The following HECTD4 variants were observed in gnomAD, a reference collection of about 807,000 sequenced individuals.
HECTD4 encodes the protein probable E3 ubiquitin-protein ligase HECTD4.
HECTD4 carries 114 observed loss-of-function variants against 471.5 expected under a neutral mutation model. The observed-to-expected ratio is 0.24, with a 90% CI of 0.21 to 0.28. The LOEUF is 0.28. Ranked by LOEUF, HECTD4 falls within the 10% of genes least tolerant of loss-of-function variation. The pLI, the probability that HECTD4 is intolerant of heterozygous loss-of-function variation, is 1.00. For missense variants in HECTD4, 3,866 were observed against 5,651.5 expected, an observed-to-expected ratio of 0.68 and a Z score of 10.13; for synonymous variants, 2,012 against 2,256.0, an observed-to-expected ratio of 0.89 and a Z score of 3.07.
rs1359760952 is a variant in HECTD4 at position 112,160,579 on chromosome 12, T to G, written c.*1808A>C. On this transcript the variant is annotated 3_prime_UTR_variant, in exon 76 of 76. Coordinates refer to ENST00000682272, the MANE Select transcript of HECTD4 (RefSeq NM_001388303.1). ...TACAGCTTGTCATCTACTCAAGTGA[T>G]GGCCAACAGAAGCTTCTGAACTCCT... The G allele has an allele frequency of 2.6e-5, 4 of 152,178 alleles. No homozygotes were observed. The highest frequency in any genetic ancestry group is 2.6e-4 in the Admixed American group (4 of 15,286). 9.4% of individuals were successfully genotyped at this position (152,178 alleles called of 1,614,324 possible). A position where few individuals can be genotyped will look rare whatever the true frequency, so the allele number is the denominator to read the frequency against.
At chr12:112,307,714 GACAA>G (rs2035293301) in intron 6 of HECTD4, among the ~76,000 whole-genome samples, 2 of 152,222 alleles carry the variant, frequency 1.3e-5, no homozygotes, top group Admixed American at 1.3e-4. Flanking sequence ...GCAGTTGAGT[GACAA>G]ACAAGAAGAA....
intron 44 of HECTD4, among the ~76,000 whole-genome samples, chr12:112,222,778 G>C (rs1280955243): frequency 6.6e-6 from 1 of 152,200 alleles, no homozygotes; most frequent in East Asian, 1.9e-4. Flanking sequence ...TGGCTGCAGT[G>C]AGCCTTGATC....
Position 112,163,992 on chromosome 12 carries a change from C to A in HECTD4, c.12701+117G>T. On this transcript the variant is annotated intron_variant, in intron 73 of 75. Coordinates refer to ENST00000682272, the MANE Select transcript of HECTD4 (RefSeq NM_001388303.1). This position sits in a 1 kb window ranked among gnomAD's most constrained non-coding sequence, Gnocchi z 8.2. Reference sequence around the variant, plus strand: ...CCTCATCTCCCTCTCCTGGTGAAATCCACCTGTCACCTGACCTAGGTCCTC... The same window carrying A: ...CCTCATCTCCCTCTCCTGGTGAAATACACCTGTCACCTGACCTAGGTCCTC... 6.2e-6 allele frequency: 7 copies of A among 1,134,064 alleles called. No homozygotes were observed. Among genetic ancestry groups the A allele is most frequent in the Non-Finnish European group, 8.2e-6 (7 of 853,606 alleles). 70.3% of individuals were successfully genotyped at this position (1,134,064 alleles called of 1,614,324 possible). A position where few individuals can be genotyped will look rare whatever the true frequency, so the allele number is the denominator to read the frequency against.
rs553111692 is a variant in HECTD4 at position 112,320,709 on chromosome 12, A to AG, written c.178-968_178-967insC. On this transcript the variant is annotated intron_variant, in intron 1 of 75. Coordinates refer to ENST00000682272, the MANE Select transcript of HECTD4 (RefSeq NM_001388303.1). ...GAGTGAGACTCTGTCTTAAAAAAAA[A>AG]AAGTTAAAGTTTCTAACTCCTATTA... Among the ~76,000 whole-genome samples the AG allele has an allele frequency of 1.1e-3, 160 of 152,248 alleles. 1 individual carries two copies. The highest frequency in any genetic ancestry group is 3.4e-3 in the African/African-American group (143 of 41,552).
intron 1 of HECTD4, among the ~76,000 whole-genome samples, chr12:112,354,642 C>T (rs982082198): frequency 2.6e-5 from 4 of 151,960 alleles, no homozygotes; most frequent in Non-Finnish European, 4.4e-5. Context: ...GCCAAGATTG[C>T]GCCATTGCAC....
At chr12:112,212,423 C>G in intron 49 of HECTD4, 64 bp downstream of exon 49, 1 of 1,351,922 alleles carries the variant, frequency 7.4e-7, no homozygotes, top group Non-Finnish European at 1.0e-6. Context: ...TTTCATTTTT[C>G]CATGTCTAAC....
chr12:112,354,693 A>T (rs1650948907), intron 1 of HECTD4, among the ~76,000 whole-genome samples: 1 of 151,796 alleles, frequency 6.6e-6, no homozygotes, highest in Non-Finnish European at 1.5e-5. Flanking sequence ...AACAAAACAA[A>T]ACAACAACAC....
At chr12:112,251,265 G>A in intron 23 of HECTD4, 131 bp from the exon 24 acceptor site, 2 of 789,262 alleles carry the variant, frequency 2.5e-6, no homozygotes, top group South Asian at 2.2e-5. Context: ...ACTGCTAGGG[G>A]ACACAGGTAC....
intron 68 of HECTD4, 114 bp from the exon 69 acceptor site, chr12:112,170,566 G>T (rs2031175814): frequency 1.4e-6 from 2 of 1,379,714 alleles, no homozygotes; most frequent in Non-Finnish European, 2.0e-6. Flanking sequence ...CCTGGTGGCA[G>T]TAGAGCCGGG....
chr12:112,200,064 T>A (rs182054454), intron 55 of HECTD4, among the ~76,000 whole-genome samples: 1 of 152,264 alleles, frequency 6.6e-6, no homozygotes, highest in African/African-American at 2.4e-5. Context: ...GGTCTTAAGT[T>A]CAATGAGTCA....
At chr12:112,320,912 T>A (rs2035573247) in intron 1 of HECTD4, among the ~76,000 whole-genome samples, 2 of 151,644 alleles carry the variant, frequency 1.3e-5, no homozygotes, top group African/African-American at 4.8e-5. Context: ...CAATGGCCGA[T>A]CTCAGCTCAC....
rs924360513 is a variant in HECTD4 at position 112,233,152 on chromosome 12, T to C, written c.5916-67A>G. 1.0e-5 allele frequency: 13 copies of C among 1,275,634 alleles called. 1 individual carries two copies. Among genetic ancestry groups the C allele is most frequent in the Admixed American group, 9.8e-5 (5 of 50,784 alleles). 79.0% of individuals were successfully genotyped at this position (1,275,634 alleles called of 1,614,324 possible). A position where few individuals can be genotyped will look rare whatever the true frequency, so the allele number is the denominator to read the frequency against. On this transcript the variant is annotated intron_variant, in intron 37 of 75. Coordinates refer to ENST00000682272, the MANE Select transcript of HECTD4 (RefSeq NM_001388303.1). ...ACTGCCAAAAGTGGGCTGCATGCCA[T>C]GGGGTCACCCAGTCATGGTGAGGCC...
chr12:112,249,851 T>A, intron 25 of HECTD4: 1 of 399,166 alleles, frequency 2.5e-6, no homozygotes, highest in Non-Finnish European at 4.6e-6. Flanking sequence ...ATGGGAAACT[T>A]GTTAAGCTGC....
chr12:112,169,952 C>T (rs1299820572), intron 69 of HECTD4: 9 of 562,726 alleles, frequency 1.6e-5, no homozygotes, highest in Middle Eastern at 4.1e-4. Flanking sequence ...ACTCCTCTCT[C>T]GTTTCCTCTG....
At chr12:112,301,929 C>A (rs2035174798) in intron 7 of HECTD4, 5 of 1,002,768 alleles carry the variant, frequency 5.0e-6, no homozygotes, top group Non-Finnish European at 7.8e-6. Flanking sequence ...GCAATGCAAG[C>A]CACAGACTTG....
chr12:112,189,753 A>G (rs1037578529), intron 60 of HECTD4, among the ~76,000 whole-genome samples: 2 of 151,546 alleles, frequency 1.3e-5, no homozygotes, highest in Non-Finnish European at 2.9e-5. Flanking sequence ...CCGAGTGTGC[A>G]GTGTTTTCTG....
intron 20 of HECTD4, 29 bp downstream of exon 20, chr12:112,258,467 G>T: frequency 6.8e-7 from 1 of 1,476,850 alleles, no homozygotes; most frequent in Non-Finnish European, 9.1e-7. Context: ...ACAAGAAAAG[G>T]GTTCCTGCAA....
chr12:112,341,208 C>T (rs2036048414), intron 1 of HECTD4, among the ~76,000 whole-genome samples: 1 of 152,088 alleles, frequency 6.6e-6, no homozygotes, highest in South Asian at 2.1e-4. Context: ...TTAAAAATGC[C>T]ACCTGCTAGG....
intron 32 of HECTD4, among the ~76,000 whole-genome samples, chr12:112,241,758 C>A (rs1009090927): frequency 2.0e-5 from 3 of 152,202 alleles, no homozygotes; most frequent in Non-Finnish European, 4.4e-5. Context: ...CTGGGCCCAA[C>A]AAAATTTTGT....
Sources: gnomAD v4.1 joint callset for allele counts (sites outside exome capture counted in the v4.1 genomes callset) on GRCh38, gnomAD v4.1.1 for gene constraint, Gnocchi (gnomAD v3.1) non-coding constraint, MANE v1.5 for transcripts, NCBI Gene and HGNC (gene_info 2026-07-23, HGNC 2026-07-21) for gene names.